The following GRAMD2B variants were observed in gnomAD, a reference collection of about 807,000 sequenced individuals.
GRAMD2B encodes GRAM domain-containing protein 2B.
In GRAMD2B, 41 loss-of-function variants were observed where a neutral mutation model predicts 59.2. That is an observed-to-expected ratio of 0.69 (90% CI 0.54 to 0.90). The LOEUF (loss-of-function observed/expected upper bound fraction) is 0.90, where lower values mean the gene tolerates loss of function less well. Among genes scored for constraint, GRAMD2B ranks in the 40% least tolerant of loss-of-function variants. GRAMD2B has a pLI of 0.00. For synonymous variants in GRAMD2B, 161 were observed against 182.7 expected (o/e 0.88, Z 0.96); for missense variants, 424 against 500.5 (o/e 0.85, Z 1.46).
upstream of GRAMD2B, among the ~76,000 whole-genome samples, chr5:126,368,493 C>T (rs1754571977): frequency 1.3e-5 from 2 of 152,248 alleles, no homozygotes; most frequent in Admixed American, 1.3e-4. Context: ...TTATCACAGG[C>T]AGCTCATATC....
intron 1 of GRAMD2B, among the ~76,000 whole-genome samples, chr5:126,400,672 C>T (rs1477352730): frequency 6.6e-6 from 1 of 152,080 alleles, no homozygotes; most frequent in Admixed American, 6.6e-5. Flanking sequence ...TTTTGTTTGT[C>T]TGGGAAAGTC....
At chr5:126,475,971 G>A (rs572671953) in intron 5 of GRAMD2B, among the ~76,000 whole-genome samples, 34 of 152,338 alleles carry the variant, frequency 2.2e-4, no homozygotes, top group African/African-American at 7.9e-4. Flanking sequence ...AGCCAGGCAT[G>A]GTGGTACATG....
rs996642202 is a variant in GRAMD2B, at chr5:126,382,223, TG to T, written c.125+10659del. 9.8e-5 allele frequency among the ~76,000 whole-genome samples: 15 copies of T among 152,330 alleles called. No homozygotes were observed. In the South Asian group the frequency reaches 1.4e-3, roughly 15 times the overall value. On this transcript the variant is annotated intron_variant, in intron 1 of 8. Coordinates refer to the GRAMD2B transcript ENST00000506445. ...ACATGTTCTTTGAGCTTCCTGTATTTGGGTGTCTAGGCCTCTAGCAAGGCCA... is the reference window on the plus strand; with the variant it reads ...ACATGTTCTTTGAGCTTCCTGTATTTGGTGTCTAGGCCTCTAGCAAGGCCA...
chr5:126,369,042 T>C (rs1754604254), upstream of GRAMD2B, among the ~76,000 whole-genome samples: 1 of 152,122 alleles, frequency 6.6e-6, no homozygotes, highest in Non-Finnish European at 1.5e-5. Flanking sequence ...TCCAGATAAA[T>C]GTTCACTATT....
chr5:126,438,767 A>AG (rs1262084721), intron 1 of GRAMD2B, among the ~76,000 whole-genome samples: 2 of 152,200 alleles, frequency 1.3e-5, no homozygotes, highest in African/African-American at 4.8e-5. Flanking sequence ...TGGGCATGGC[A>AG]GAACGATTAG....
chr5:126,415,242 G>A (rs1759165178), intron 1 of GRAMD2B, among the ~76,000 whole-genome samples: 1 of 152,194 alleles, frequency 6.6e-6, no homozygotes, highest in African/African-American at 2.4e-5. Context: ...CAAATGGTCA[G>A]CCCTTTTCCT....
chr5:126,370,018 C>T (rs754646846), upstream of GRAMD2B, among the ~76,000 whole-genome samples: 3 of 152,240 alleles, frequency 2.0e-5, no homozygotes, highest in African/African-American at 2.4e-5. Context: ...AAATATAGAC[C>T]GTGCTCTGTC....
At chr5:126,404,907 C>G (rs576540578) in intron 1 of GRAMD2B, among the ~76,000 whole-genome samples, 1 of 151,974 alleles carries the variant, frequency 6.6e-6, no homozygotes, top group South Asian at 2.1e-4. Flanking sequence ...TTCTACAGGT[C>G]ACATCCCATT....
chr5:126,467,542 A>G lies in GRAMD2B; in HGVS notation c.203+1997A>G, dbSNP rs192110767. 234 of 152,312 alleles carry G rather than the reference A, an allele frequency of 1.5e-3. 1 individual carries two copies. The highest frequency in any genetic ancestry group is 4.9e-3 in the African/African-American group (205 of 41,576). 9.4% of individuals were successfully genotyped at this position (152,312 alleles called of 1,614,324 possible). A position where few individuals can be genotyped will look rare whatever the true frequency, so the allele number is the denominator to read the frequency against. On this transcript the variant is annotated intron_variant, in intron 2 of 13. Coordinates refer to ENST00000285689, the MANE Select transcript of GRAMD2B (RefSeq NM_023927.4). ...CACCCTACTCGTCATATTTGCTTGC[A>G]GTCCATGGATCTTCAAAAGGTCGGA...
intron 1 of GRAMD2B, among the ~76,000 whole-genome samples, chr5:126,384,114 A>C (rs1411572648): frequency 6.6e-6 from 1 of 152,134 alleles, no homozygotes; most frequent in Non-Finnish European, 1.5e-5. Context: ...ACTCTACTTT[A>C]CTAAAGCAGA....
intron 5 of GRAMD2B, among the ~76,000 whole-genome samples, chr5:126,475,912 C>T (rs1480914021): frequency 3.3e-5 from 5 of 152,178 alleles, no homozygotes; most frequent in Non-Finnish European, 7.3e-5. Context: ...AGTTTGAGAC[C>T]AGCCCGAACA....
intron 1 of GRAMD2B, among the ~76,000 whole-genome samples, chr5:126,444,149 A>G (rs939254759): frequency 1.3e-5 from 2 of 152,122 alleles, no homozygotes; most frequent in African/African-American, 4.8e-5. Context: ...AGATTATTCC[A>G]AGAAAAAAAC....
chr5:126,457,595 C>T (rs898526036), intron 1 of GRAMD2B, among the ~76,000 whole-genome samples: 1 of 151,396 alleles, frequency 6.6e-6, no homozygotes, highest in African/African-American at 2.4e-5. Flanking sequence ...TGCACCACTG[C>T]ACTCCAGCCT....
chr5:126,407,019 A>G (rs539427058), intron 1 of GRAMD2B, among the ~76,000 whole-genome samples: 10 of 152,166 alleles, frequency 6.6e-5, no homozygotes, highest in South Asian at 2.1e-4. Context: ...TTTGACATCA[A>G]TGGAGCAGAA....
At chr5:126,406,130 A>G (rs1254405989) in intron 1 of GRAMD2B, among the ~76,000 whole-genome samples, 1 of 151,938 alleles carries the variant, frequency 6.6e-6, no homozygotes, top group Non-Finnish European at 1.5e-5. Context: ...GAAAAAAGAT[A>G]TTTATGTTGT....
At chr5:126,452,714 G>A (rs1377157433) in intron 1 of GRAMD2B, among the ~76,000 whole-genome samples, 1 of 151,862 alleles carries the variant, frequency 6.6e-6, no homozygotes, top group Non-Finnish European at 1.5e-5. Context: ...CTCCTCCTTT[G>A]TATACTAGTA....
intron 1 of GRAMD2B, among the ~76,000 whole-genome samples, chr5:126,430,820 A>G (rs1265580548): frequency 6.6e-6 from 1 of 152,232 alleles, no homozygotes; most frequent in Admixed American, 6.5e-5. Flanking sequence ...AGTGACATTC[A>G]TACTTAAGGT....
chr5:126,456,249 C>T (rs951509899), intron 1 of GRAMD2B, among the ~76,000 whole-genome samples: 11 of 152,154 alleles, frequency 7.2e-5, no homozygotes, highest in Non-Finnish European at 1.5e-4. Context: ...CTCACTCTGT[C>T]ACCCAGGGTA....
intron 13 of GRAMD2B, among the ~76,000 whole-genome samples, chr5:126,491,588 T>C (rs1171955292): frequency 3.3e-5 from 5 of 152,174 alleles, no homozygotes; most frequent in African/African-American, 1.2e-4. Flanking sequence ...ATCCCCTTCC[T>C]CCTCACTCAC....
Sources: allele counts gnomAD v4.1 joint callset (sites outside exome capture counted in the v4.1 genomes callset), GRCh38; gene constraint gnomAD v4.1.1; transcripts MANE v1.5; gene names NCBI Gene and HGNC (gene_info 2026-07-23, HGNC 2026-07-21).